Variants in RBFOX1 observed in about 807,000 individuals in gnomAD.
RBFOX1 encodes the protein RNA binding protein fox-1 homolog 1.
RBFOX1 carries 8 observed loss-of-function variants against 57.7 expected under a neutral mutation model. That is an observed-to-expected ratio of 0.14 (90% CI 0.08 to 0.25). RBFOX1 has a LOEUF of 0.25. Among genes scored for constraint, RBFOX1 ranks in the 10% least tolerant of loss-of-function variants. RBFOX1 has a pLI of 1.00. For missense variants in RBFOX1, 611 were observed against 548.5 expected (o/e 1.11, Z -1.14); for synonymous variants, 326 against 222.4 (o/e 1.47, Z -4.15).
chr16:7,135,989 G>A (rs2071828997), intron 4 of RBFOX1, among the ~76,000 whole-genome samples: 1 of 152,318 alleles, frequency 6.6e-6, no homozygotes, highest in East Asian at 1.9e-4. Flanking sequence ...TTGCCTAGGT[G>A]CTCTTCCTGT....
intron 2 of RBFOX1, among the ~76,000 whole-genome samples, chr16:5,536,040 T>G (rs1027873483): frequency 6.6e-6 from 1 of 152,008 alleles, no homozygotes; most frequent in Non-Finnish European, 1.5e-5. Context: ...AGGGAATCTC[T>G]TACTTTTAGC....
intron 1 of RBFOX1, among the ~76,000 whole-genome samples, chr16:6,096,462 T>G (rs942131011): frequency 6.6e-6 from 1 of 152,176 alleles, no homozygotes; most frequent in African/African-American, 2.4e-5. Flanking sequence ...GCTGATGCCC[T>G]GCATATCCCC....
At chr16:7,405,151 G>C (rs866348729) in intron 4 of RBFOX1, among the ~76,000 whole-genome samples, 1 of 152,228 alleles carries the variant, frequency 6.6e-6, no homozygotes. Flanking sequence ...TGAGGCTGCA[G>C]TTGCAATTTA....
At chr16:6,271,309 A>T (rs1022816713) in intron 1 of RBFOX1, among the ~76,000 whole-genome samples, 4 of 152,174 alleles carry the variant, frequency 2.6e-5, no homozygotes, top group Non-Finnish European at 5.9e-5. Context: ...GTGTAGTCCC[A>T]GCTACTGGGG....
chr16:7,710,164 A>G (rs874584), intron 15 of RBFOX1: 340,091 of 1,027,500 alleles, frequency 0.33, 56,893 homozygotes, highest in Middle Eastern at 0.36. Context: ...GATTCCATAC[A>G]GCTTACAGAG....
chr16:5,983,330 C>T (rs1165054570), intron 4 of RBFOX1, among the ~76,000 whole-genome samples: 1 of 152,212 alleles, frequency 6.6e-6, no homozygotes, highest in African/African-American at 2.4e-5. Flanking sequence ...AAAATATTCC[C>T]TGACAGCTCC....
intron 3 of RBFOX1, among the ~76,000 whole-genome samples, chr16:7,019,140 AAAT>A (rs1290046033): frequency 5.3e-5 from 8 of 152,042 alleles, no homozygotes; most frequent in Non-Finnish European, 1.0e-4. Flanking sequence ...ATTGAGTTGA[AAAT>A]AACCATTCCT....
intron 3 of RBFOX1, among the ~76,000 whole-genome samples, chr16:6,977,885 G>A (rs1234864575): frequency 6.7e-6 from 1 of 149,418 alleles, no homozygotes; most frequent in Admixed American, 6.7e-5. Flanking sequence ...TGAGCTGAGG[G>A]GACTCTCTAG....
intron 2 of RBFOX1, among the ~76,000 whole-genome samples, chr16:5,580,171 CCAG>C (rs2046615366): frequency 6.6e-6 from 1 of 152,166 alleles, no homozygotes; most frequent in Non-Finnish European, 1.5e-5. Context: ...CTCCCTTGGC[CCAG>C]CGTAGTGATG....
chr16:5,696,857 A>C (rs138396444), intron 3 of RBFOX1, among the ~76,000 whole-genome samples: 1 of 152,026 alleles, frequency 6.6e-6, no homozygotes, highest in Non-Finnish European at 1.5e-5. Context: ...TCTATCTTAC[A>C]TATCTTCTCT....
At chr16:7,225,973 G>T (rs1184013570) in intron 4 of RBFOX1, among the ~76,000 whole-genome samples, 2 of 151,094 alleles carry the variant, frequency 1.3e-5, no homozygotes, top group Non-Finnish European at 2.9e-5. Context: ...GAATCAAGGT[G>T]ACCAAATGGC....
intron 4 of RBFOX1, among the ~76,000 whole-genome samples, chr16:7,466,528 C>A (rs187241049): frequency 6.6e-6 from 1 of 152,134 alleles, no homozygotes; most frequent in Non-Finnish European, 1.5e-5. Context: ...TGCTTCAACT[C>A]CACGATGTCC....
chr16:6,335,797 A>AAAAAGAAAAG (rs1241118584), intron 2 of RBFOX1, among the ~76,000 whole-genome samples: 50 of 149,746 alleles, frequency 3.3e-4, no homozygotes, highest in African/African-American at 1.2e-3. Context: ...AAAAGAAAAA[A>AAAAAGAAAAG]AAAAGAAAAG....
chr16:5,879,221 G>C (rs2057698713), intron 4 of RBFOX1, among the ~76,000 whole-genome samples: 1 of 152,244 alleles, frequency 6.6e-6, no homozygotes, highest in Non-Finnish European at 1.5e-5. Context: ...AGTATCTCAA[G>C]AAGGCTTCCT....
intron 2 of RBFOX1, among the ~76,000 whole-genome samples, chr16:6,517,193 C>G (rs1448089986): frequency 1.3e-5 from 2 of 152,124 alleles, no homozygotes; most frequent in South Asian, 2.1e-4. Flanking sequence ...TGACAAGCCA[C>G]TTTATGGAAG....
Position 5,993,556 on chromosome 16 carries a change from TC to T in RBFOX1, c.351+126222del, listed in dbSNP as rs556473684. Among the ~76,000 whole-genome samples, 468 of 152,268 alleles carry T rather than the reference TC, an allele frequency of 3.1e-3. 3 individuals carry two copies. Among genetic ancestry groups the T allele is most frequent in the African/African-American group, 0.011 (455 of 41,550 alleles). On this transcript the variant is annotated intron_variant, in intron 4 of 19. Coordinates refer to the RBFOX1 transcript ENST00000641259. ...TTACCCAGCAAGCATGAGTCTGTGT[TC>T]ATTGAAATGTTGGCCATTATTCTAT...
At chr16:7,042,617 C>G in intron 3 of RBFOX1, among the ~76,000 whole-genome samples, 1 of 152,102 alleles carries the variant, frequency 6.6e-6, no homozygotes. Flanking sequence ...TGTTAGTGTG[C>G]AATTTATTTC....
intron 2 of RBFOX1, among the ~76,000 whole-genome samples, chr16:6,556,440 C>T (rs2097099335): frequency 6.6e-6 from 1 of 152,110 alleles, no homozygotes; most frequent in African/African-American, 2.4e-5. Context: ...CCTCGGTCAT[C>T]TCAAATAAAT....
chr16:5,310,663 T>A (rs949763881), intron 1 of RBFOX1, among the ~76,000 whole-genome samples: 4 of 152,208 alleles, frequency 2.6e-5, no homozygotes, highest in Non-Finnish European at 5.9e-5. Context: ...ACAGGAGGGT[T>A]AGTGCTCAGC....
Sources: allele counts gnomAD v4.1 joint callset (sites outside exome capture counted in the v4.1 genomes callset), GRCh38; gene constraint gnomAD v4.1.1; transcripts MANE v1.5; gene names NCBI Gene and HGNC (gene_info 2026-07-23, HGNC 2026-07-21).